The following SMC5 variants were observed in gnomAD, a reference collection of about 807,000 sequenced individuals.
SMC5 encodes the protein structural maintenance of chromosomes protein 5.
In SMC5, 88 loss-of-function variants were observed where a neutral mutation model predicts 148.3. The observed-to-expected ratio is 0.59, with a 90% CI of 0.50 to 0.71. SMC5 has a LOEUF of 0.71. SMC5 is among the 30% of genes least tolerant of loss of function. The pLI is 0.00. For missense variants in SMC5, 1,142 were observed against 1,298.9 expected, an observed-to-expected ratio of 0.88 and a Z score of 1.86; for synonymous variants, 421 against 432.8, an observed-to-expected ratio of 0.97 and a Z score of 0.34.
Position 70,350,130 on chromosome 9 carries a change from A to G in SMC5, c.2906A>G (p.Tyr969Cys). Reference protein sequence around the residue: ...HTENEEDYDKYGIRIRVKFRS... With the variant: ...HTENEEDYDKCGIRIRVKFRS... ...GTTTTATAGGAAGATTATGATAAATATGGAATTCGAATTAGAGTCAAATTT... is the reference window on the plus strand; with the variant it reads ...GTTTTATAGGAAGATTATGATAAATGTGGAATTCGAATTAGAGTCAAATTT... The change falls in exon 23 of 25, where the codon TAT (tyrosine) becomes TGT (cysteine). Residue 969 changes from tyrosine to cysteine, a missense_variant. Tyr to Cys is a radical substitution (Grantham distance 194). Around this residue, in one of 5 missense-constraint regions of SMC5, gnomAD observed 743 missense variants for 835.7 expected, o/e 0.89. Transcript: ENST00000361138. 6.2e-7 allele frequency: 1 copy of G among 1,605,100 alleles called. No homozygotes were observed. Among genetic ancestry groups the G allele is most frequent in the Non-Finnish European group, 8.5e-7 (1 of 1,175,676 alleles).
At chr9:70,264,551 C>A in intron 2 of SMC5, 106 bp downstream of exon 2, 1 of 1,064,856 alleles carries the variant, frequency 9.4e-7, no homozygotes, top group Non-Finnish European at 1.3e-6. Flanking sequence ...CTTAATAGTG[C>A]ATGAATACAA....
chr9:70,324,478 C>A (rs2036027421), intron 17 of SMC5, among the ~76,000 whole-genome samples: 1 of 152,090 alleles, frequency 6.6e-6, no homozygotes, highest in South Asian at 2.1e-4. Flanking sequence ...TTTTGAATCT[C>A]CAAAATCTTT....
Position 70,314,808 on chromosome 9 carries a change from G to A in SMC5, c.1645G>A (p.Ala549Thr), listed in dbSNP as rs137909778. The change falls in exon 12 of 25, where the codon GCA becomes ACA. Residue 549 changes from alanine (A) to threonine (T), a missense_variant. By Grantham distance (58) the Ala-to-Thr change is moderately conservative. Around this residue, in one of 5 missense-constraint regions of SMC5, gnomAD observed 743 missense variants for 835.7 expected, o/e 0.89. Coordinates refer to ENST00000361138, the MANE Select transcript of SMC5 (RefSeq NM_015110.4). ...TCCCAAGAGTTCATATGCAGACAAA[G>A]CACCTTCAAGATCTTTGAATGAACT... is the stretch of plus-strand genomic sequence containing the variant. ...IAPKSSYADK[A>T]PSRSLNELKQ... The A allele has an allele frequency of 2.6e-6, 4 of 1,567,900 alleles. No individual in the cohort carries two copies. In the African/African-American group the frequency reaches 4.1e-5, roughly 16 times the overall value.
intron 22 of SMC5, among the ~76,000 whole-genome samples, chr9:70,349,016 A>T (rs185023599): frequency 1.1e-4 from 17 of 152,306 alleles, no homozygotes; most frequent in Admixed American, 1.1e-3. Context: ...ACTATCTTAG[A>T]CCTTAAAGCT....
intron 18 of SMC5, among the ~76,000 whole-genome samples, chr9:70,345,633 G>A (rs2036647635): frequency 6.6e-6 from 1 of 151,850 alleles, no homozygotes; most frequent in South Asian, 2.1e-4. Context: ...ATCTCATTGG[G>A]GTTAAAAATT....
intron 17 of SMC5, among the ~76,000 whole-genome samples, chr9:70,343,936 C>T (rs2118812754): frequency 6.6e-6 from 1 of 152,078 alleles, no homozygotes; most frequent in East Asian, 1.9e-4. Context: ...TAGAGAAATG[C>T]CAGGTTATTG....
rs144338679 is a variant in SMC5, at chr9:70,305,557, G to A, written c.1578+197G>A. Reference sequence around the variant, plus strand: ...TTATTTGCTTTATAAAAGGAAACCAGCCCATAATATTCCATCTGTAACATT... The same window carrying A: ...TTATTTGCTTTATAAAAGGAAACCAACCCATAATATTCCATCTGTAACATT... On this transcript the variant is annotated intron_variant, in intron 11 of 24. Coordinates refer to ENST00000361138, the MANE Select transcript of SMC5 (RefSeq NM_015110.4). Among the ~76,000 whole-genome samples the A allele has an allele frequency of 1.4e-4, 22 of 152,228 alleles. 1 individual carries two copies. The East Asian group carries it at 4.1e-3, about 28-fold the overall frequency.
chr9:70,307,361 A>G (rs535990682), intron 11 of SMC5, among the ~76,000 whole-genome samples: 119 of 152,330 alleles, frequency 7.8e-4, no homozygotes, highest in Non-Finnish European at 1.2e-3. Context: ...TTTAAGAGCC[A>G]TTAATGATTC....
intron 17 of SMC5, among the ~76,000 whole-genome samples, chr9:70,329,363 C>T (rs1273547228): frequency 6.6e-6 from 1 of 152,188 alleles, no homozygotes; most frequent in Non-Finnish European, 1.5e-5. Context: ...CTGTTAGAAG[C>T]AGCCAGGCCC....
At chr9:70,324,990 G>A (rs58879007) in intron 17 of SMC5, among the ~76,000 whole-genome samples, 35,227 of 151,882 alleles carry the variant, frequency 0.23, 4,219 homozygotes, top group South Asian at 0.32. Context: ...GGCCCTACCA[G>A]GCTTCAGTAC....
chr9:70,308,833 T>C (rs1314422459), intron 11 of SMC5, among the ~76,000 whole-genome samples: 2 of 152,080 alleles, frequency 1.3e-5, no homozygotes, highest in African/African-American at 4.8e-5. Flanking sequence ...CGTAGACATA[T>C]CGATTTTTTT....
At chr9:70,303,310 T>C (rs72712300) in intron 10 of SMC5, among the ~76,000 whole-genome samples, 11,774 of 152,138 alleles carry the variant, frequency 0.077, 533 homozygotes, top group African/African-American at 0.13. Flanking sequence ...TCTATAATTA[T>C]ATTTTTTTTA....
In SMC5 at chr9:70,267,995, A is replaced by T. The variant is rs1262889282; in HGVS notation, c.380+20A>T. 1 of 1,593,144 alleles carries T rather than the reference A, an allele frequency of 6.3e-7. No homozygotes were observed. The highest frequency in any genetic ancestry group is 1.1e-5 in the South Asian group (1 of 87,316). On this transcript the variant is annotated intron_variant, in intron 3 of 24. Transcript: ENST00000361138. Reference sequence around the variant, plus strand: ...TGAATTGTAAGTGTTAAAAGTGCTAAAACTCCTTTTTCCTATAAAATTCTT... The same window carrying T: ...TGAATTGTAAGTGTTAAAAGTGCTATAACTCCTTTTTCCTATAAAATTCTT...
intron 8 of SMC5, among the ~76,000 whole-genome samples, chr9:70,290,825 A>G (rs143791582): frequency 9.8e-5 from 15 of 152,332 alleles, no homozygotes; most frequent in South Asian, 2.1e-4. Flanking sequence ...CTGAGTTTCA[A>G]TGTGAAAGTA....
At chr9:70,295,342 G>T (rs1447936747) in intron 8 of SMC5, among the ~76,000 whole-genome samples, 1 of 151,666 alleles carries the variant, frequency 6.6e-6, no homozygotes, top group Non-Finnish European at 1.5e-5. Context: ...GTGGTGGCGG[G>T]TGCCTGTAGT....
chr9:70,337,503 T>C (rs2036393685), intron 17 of SMC5, among the ~76,000 whole-genome samples: 1 of 142,326 alleles, frequency 7.0e-6, no homozygotes, highest in Admixed American at 7.2e-5. Context: ...TCACCGAGGC[T>C]GGAGTGCAGT....
At position 70,320,403 on chromosome 9, in the gene SMC5, G is replaced by A. The variant is rs115596365; in HGVS notation, c.2150+1440G>A. On this transcript the variant is annotated intron_variant, in intron 15 of 24. Coordinates refer to ENST00000361138, the MANE Select transcript of SMC5 (RefSeq NM_015110.4). Reference sequence around the variant, plus strand: ...GCAAGACCTCATCTCTTTAGGCAGGGCAGGGAGGAGGGAAGAAAGAAAAAT... The same window carrying A: ...GCAAGACCTCATCTCTTTAGGCAGGACAGGGAGGAGGGAAGAAAGAAAAAT... Among the ~76,000 whole-genome samples the A allele has an allele frequency of 7.9e-3, 1,199 of 152,214 alleles. 17 individuals carry two copies. Among genetic ancestry groups the A allele is most frequent in the African/African-American group, 0.028 (1,156 of 41,530 alleles).
In SMC5 at chr9:70,318,570, G is replaced by A; in HGVS notation, c.1863G>A (p.Val621=). 6.2e-7 allele frequency: 1 copy of A among 1,612,118 alleles called. No individual in the cohort carries two copies. Among genetic ancestry groups the A allele is most frequent in the Non-Finnish European group, 8.5e-7 (1 of 1,179,080 alleles). ...QIYTAEEKYV[V]KTSFYSNKVI... ...ATACAGCAGAAGAAAAGTATGTGGT[G>A]AAAACTTCTTTTTATTCAAACAAAG... The change falls in exon 14 of 25, where the codon GTG becomes GTA. Residue 621 remains valine, a synonymous_variant. Transcript: ENST00000361138.
At chr9:70,271,586 G>A (rs1425099639) in intron 3 of SMC5, among the ~76,000 whole-genome samples, 1 of 152,162 alleles carries the variant, frequency 6.6e-6, no homozygotes, top group East Asian at 1.9e-4. Context: ...GGCATAAGGA[G>A]GGACAGTTAG....
Sources: allele counts gnomAD v4.1 joint callset (sites outside exome capture counted in the v4.1 genomes callset), GRCh38; gene constraint gnomAD v4.1.1; regional missense constraint gnomAD v4.1.1; transcripts MANE v1.5; gene names NCBI Gene and HGNC (gene_info 2026-07-23, HGNC 2026-07-21).